The following ABHD14A variants were observed in gnomAD, a reference collection of about 807,000 sequenced individuals.
The protein encoded by ABHD14A is abhydrolase domain containing 14A, also known as protein ABHD14A.
In ABHD14A, 19 loss-of-function variants were observed where a neutral mutation model predicts 27.0. The ratio of observed to expected loss-of-function variants is 0.70; its 90% confidence interval spans 0.49 to 1.03. ABHD14A has a LOEUF of 1.03. Ranked by LOEUF, ABHD14A falls within the 50% of genes least tolerant of loss-of-function variation. The pLI, the probability that ABHD14A is intolerant of heterozygous loss-of-function variation, is 0.00. For synonymous variants in ABHD14A, 148 were observed against 158.8 expected (o/e 0.93, Z 0.51); for missense variants, 311 against 344.6 (o/e 0.90, Z 0.77).
rs956020258 is a variant in ABHD14A at position 51,980,437 on chromosome 3, G to A, written c.442G>A (p.Gly148Arg). The change falls in exon 4 of 5, where the codon GGG (glycine) becomes AGG (arginine). Residue 148 changes from glycine (G) to arginine (R), a missense_variant. Coordinates refer to ENST00000273596, the MANE Select transcript of ABHD14A (RefSeq NM_015407.5). Reference protein sequence around the residue: ...APSKEASTEAGRAALLERALR... With the variant: ...APSKEASTEARRAALLERALR... ...TTCAAAGGAGGCAAGCACAGAGGCA[G>A]GGCGGGCAGCGCTGCTGGAGCGGGC... 3.1e-5 allele frequency: 50 copies of A among 1,613,496 alleles called. No individual in the cohort carries two copies. Among genetic ancestry groups the A allele is most frequent in the Non-Finnish European group, 3.7e-5 (44 of 1,180,016 alleles).
chr3:51,975,353 T>C (rs957902084), intron 1 of ABHD14A, 149 bp downstream of exon 1: 31 of 709,392 alleles, frequency 4.4e-5, no homozygotes, highest in African/African-American at 3.8e-4. Flanking sequence ...GTAATGTGTG[T>C]GCGCGCGCAG....
In ABHD14A at chr3:51,981,137, C is replaced by A; in HGVS notation, c.*119C>A. 9.5e-7 allele frequency: 1 copy of A among 1,048,470 alleles called. No homozygotes were observed. The highest frequency in any genetic ancestry group is 1.6e-5 in the South Asian group (1 of 63,932). The allele number at this position is 1,048,470 out of a possible 1,614,324, so 64.9% of individuals were successfully genotyped here. A position where few individuals can be genotyped will look rare whatever the true frequency, so the allele number is the denominator to read the frequency against. On this transcript the variant is annotated 3_prime_UTR_variant, in exon 5 of 5. Coordinates refer to ENST00000273596, the MANE Select transcript of ABHD14A (RefSeq NM_015407.5). ...GCCAGAGGCCAGGGTCAGACCCAGC[C>A]AGGACTCCTCATTTCATCTCACAGA...
rs750255155 is a variant in ABHD14A at position 51,980,845 on chromosome 3, C to G, written c.643C>G (p.Leu215Val). The G allele has an allele frequency of 2.5e-6, 4 of 1,613,534 alleles. No individual in the cohort carries two copies. Among genetic ancestry groups the G allele is most frequent in the Non-Finnish European group, 3.4e-6 (4 of 1,179,714 alleles). The change falls in exon 5 of 5, where the codon CTT becomes GTT. Residue 215 changes from leucine to valine, a missense_variant. Transcript: ENST00000273596. ...CTGCCTTGCCCTGCAGACTCCAACC[C>G]TTATCCTGTATGGAGAGCTGGACCA... ...EQFWAVKTPT[L>V]ILYGELDHIL... is the part of the protein sequence containing the mutation.
chr3:51,978,828 G>T (rs924236915), intron 3 of ABHD14A: 2 of 229,590 alleles, frequency 8.7e-6, no homozygotes, highest in South Asian at 8.0e-5. Flanking sequence ...CCGACCTCAG[G>T]TGATTCGCCT....
rs1019064306 is a variant in ABHD14A at position 51,981,022 on chromosome 3, A to C, written c.*4A>C. 1.1e-5 allele frequency: 17 copies of C among 1,602,584 alleles called. No individual in the cohort carries two copies. The highest frequency in any genetic ancestry group is 1.5e-5 in the Non-Finnish European group (17 of 1,170,452). ...CTTCCTTGACCATCTACCTTGAACT[A>C]ACCCACTCCCAGCTCCCAGCCTGGC... is the stretch of plus-strand genomic sequence containing the variant. On this transcript the variant is annotated 3_prime_UTR_variant, in exon 5 of 5. Transcript: ENST00000273596.
In ABHD14A at chr3:51,975,134, C is replaced by T; in HGVS notation, c.-2C>T. ...GCGGCCCGCGGAGCTGCGGAGGCAG[C>T]CATGGTCGGGGCGCTGTGCGGCTGC... is the stretch of plus-strand genomic sequence containing the variant. On this transcript the variant is annotated 5_prime_UTR_variant, in exon 1 of 5. Coordinates refer to ENST00000273596, the MANE Select transcript of ABHD14A (RefSeq NM_015407.5). 1 of 1,293,250 alleles carries T rather than the reference C, an allele frequency of 7.7e-7. No homozygotes were observed. 80.1% of individuals were successfully genotyped at this position (1,293,250 alleles called of 1,614,324 possible).
chr3:51,975,274 C>A, intron 1 of ABHD14A, 70 bp downstream of exon 1: 1 of 1,221,486 alleles, frequency 8.2e-7, no homozygotes. Flanking sequence ...GCCCCTTGCC[C>A]CGGCGCCCCG....
Position 51,975,145 on chromosome 3 carries a change from G to T in ABHD14A, c.10G>T (p.Ala4Ser). The T allele has an allele frequency of 7.7e-7, 1 of 1,290,680 alleles. No homozygotes were observed. The highest frequency in any genetic ancestry group is 9.8e-7 in the Non-Finnish European group (1 of 1,018,868). The allele number at this position is 1,290,680 out of a possible 1,614,324, so 80.0% of individuals were successfully genotyped here. A position where few individuals can be genotyped will look rare whatever the true frequency, so the allele number is the denominator to read the frequency against. Residue 4 changes from alanine (A) to serine (S), a missense_variant, in exon 1 of 5, where the codon GCG becomes TCG. Transcript: ENST00000273596. MVGALCGCWFRLGG... is the reference protein window; with the variant it reads MVGSLCGCWFRLGG... ...AGCTGCGGAGGCAGCCATGGTCGGG[G>T]CGCTGTGCGGCTGCTGGTTCCGCCT...
At chr3:51,976,796 C>T (rs538109146) in intron 1 of ABHD14A, among the ~76,000 whole-genome samples, 1 of 152,334 alleles carries the variant, frequency 6.6e-6, no homozygotes, top group South Asian at 2.1e-4. Flanking sequence ...TTATCTAAAT[C>T]TCACAGGAAG....
intron 1 of ABHD14A, among the ~76,000 whole-genome samples, chr3:51,977,056 G>T (rs1192658614): frequency 6.6e-6 from 1 of 152,052 alleles, no homozygotes; most frequent in African/African-American, 2.4e-5. Context: ...TTCATTTCTG[G>T]GTGTACCATG....
intron 1 of ABHD14A, 65 bp from the exon 2 acceptor site, chr3:51,977,806 A>G (rs1322876563): frequency 1.7e-5 from 25 of 1,461,306 alleles, no homozygotes; most frequent in Non-Finnish European, 2.4e-5. Flanking sequence ...GGGTTTTGGG[A>G]TGGGATCCAG....
At chr3:51,975,270 T>TG in intron 1 of ABHD14A, 66 bp downstream of exon 1, 1 of 1,223,492 alleles carries the variant, frequency 8.2e-7, no homozygotes, top group East Asian at 3.2e-5. Flanking sequence ...CCCCGCCCCT[T>TG]GCCCCGGCGC....
rs1700763118 is a variant in ABHD14A, at chr3:51,975,315, G to T, written c.69+111G>T. 2.8e-6 allele frequency: 3 copies of T among 1,067,838 alleles called. No homozygotes were observed. The East Asian group carries it at 9.8e-5, about 35-fold the overall frequency. The allele number at this position is 1,067,838 out of a possible 1,614,324, so 66.1% of individuals were successfully genotyped here. ...GAGTCCCGCGGAAGAAGCAGACGCT[G>T]GGGCCGCGAATGTGCATGTGCGCGC... On this transcript the variant is annotated intron_variant, in intron 1 of 4. Transcript: ENST00000273596.
chr3:51,976,343 C>T (rs1254414195), intron 1 of ABHD14A, among the ~76,000 whole-genome samples: 1 of 152,200 alleles, frequency 6.6e-6, no homozygotes, highest in Non-Finnish European at 1.5e-5. Flanking sequence ...AAGACGGGCC[C>T]CCGGCTCCTA....
In ABHD14A at chr3:51,975,126, G is replaced by A; in HGVS notation, c.-10G>A. The A allele has an allele frequency of 7.7e-7, 1 of 1,293,070 alleles. No individual in the cohort carries two copies. The highest frequency in any genetic ancestry group is 9.8e-7 in the Non-Finnish European group (1 of 1,020,446). 80.1% of individuals were successfully genotyped at this position (1,293,070 alleles called of 1,614,324 possible). On this transcript the variant is annotated 5_prime_UTR_variant, in exon 1 of 5. Transcript: ENST00000273596. ...GAGCCGGAGCGGCCCGCGGAGCTGC[G>A]GAGGCAGCCATGGTCGGGGCGCTGT...
At chr3:51,978,911 G>A in intron 3 of ABHD14A, 1 of 322,280 alleles carries the variant, frequency 3.1e-6, no homozygotes, top group South Asian at 2.2e-5. Context: ...ACTTTCTATG[G>A]CAAACCATAT....
At position 51,978,014 on chromosome 3, in the gene ABHD14A, G is replaced by C. The variant is rs1258701318; in HGVS notation, c.213G>C (p.Leu71=). Residue 71 remains leucine (L), a synonymous_variant, in exon 2 of 5, where the codon CTG becomes CTC. Transcript: ENST00000273596. ...GGGGAGACCCCAATGTCACAGTCCT[G>C]GCTGGTCTCACCCCTGGCAACTCGC... ...CLWGDPNVTV[L]AGLTPGNSPI... is the part of the protein sequence containing the mutation. The C allele has an allele frequency of 1.2e-6, 2 of 1,614,056 alleles. No homozygotes were observed. Among genetic ancestry groups the C allele is most frequent in the Non-Finnish European group, 1.7e-6 (2 of 1,180,026 alleles).
chr3:51,976,941 C>T (rs978110495), intron 1 of ABHD14A, among the ~76,000 whole-genome samples: 5 of 152,110 alleles, frequency 3.3e-5, no homozygotes, highest in African/African-American at 9.7e-5. Context: ...GGCAGAGACC[C>T]CAGATTGGAG....
intron 3 of ABHD14A, among the ~76,000 whole-genome samples, chr3:51,979,794 A>G (rs1471213079): frequency 6.6e-6 from 1 of 150,746 alleles, no homozygotes; most frequent in East Asian, 2.0e-4. Context: ...CAGGACATGC[A>G]TTTTTAAATT....
Sources: allele counts gnomAD v4.1 joint callset (sites outside exome capture counted in the v4.1 genomes callset), GRCh38; gene constraint gnomAD v4.1.1; transcripts MANE v1.5; gene names NCBI Gene and HGNC (gene_info 2026-07-23, HGNC 2026-07-21).